The following PKHD1 variants were observed in gnomAD, a reference collection of about 807,000 sequenced individuals.
The protein encoded by PKHD1 is PKHD1 ciliary IPT domain containing fibrocystin/polyductin.
A neutral mutation model predicts 412.0 loss-of-function variants in PKHD1; 291 were observed. That is an observed-to-expected ratio of 0.71 (90% confidence interval 0.64 to 0.78). The LOEUF is 0.78. Ranked by LOEUF, PKHD1 falls within the 30% of genes least tolerant of loss-of-function variation. The pLI, the probability that PKHD1 is intolerant of heterozygous loss-of-function variation, is 0.00. For missense variants in PKHD1, 4,825 were observed against 4,950.7 expected, an observed-to-expected ratio of 0.97 and a Z score of 0.76; for synonymous variants, 1,777 against 1,821.5, an observed-to-expected ratio of 0.98 and a Z score of 0.62.
rs1266881 is a variant in PKHD1 at position 51,921,547 on chromosome 6, G to A, written c.6122-8971C>T. Among the ~76,000 whole-genome samples the A allele has an allele frequency of 4.5e-3, 690 of 152,222 alleles. 3 individuals carry two copies. Among genetic ancestry groups the A allele is most frequent in the African/African-American group, 0.015 (640 of 41,538 alleles). ...TTTCCAACTTGGTTCCCTTCTCCCCGTCACTTTCAGGTACACCAATCAGAC... is the reference window on the plus strand; with the variant it reads ...TTTCCAACTTGGTTCCCTTCTCCCCATCACTTTCAGGTACACCAATCAGAC... On this transcript the variant is annotated intron_variant, in intron 37 of 66. Coordinates refer to ENST00000371117, the MANE Select transcript of PKHD1 (RefSeq NM_138694.4).
In PKHD1 at chr6:51,722,140, T is replaced by G. The variant is rs576700635; in HGVS notation, c.10156+22245A>C. ...ATCCAAATGAAAATACCCCACACCT[T>G]GTAATATCCGAGCTCTTTACTCATG... On this transcript the variant is annotated intron_variant, in intron 60 of 66. Transcript: ENST00000371117. 80 of 1,534,662 alleles carry G rather than the reference T, an allele frequency of 5.2e-5. 1 individual carries two copies. The East Asian group carries it at 1.8e-3, about 34-fold the overall frequency.
chr6:52,045,376 T>C (rs893077827), intron 24 of PKHD1, among the ~76,000 whole-genome samples: 2 of 152,194 alleles, frequency 1.3e-5, no homozygotes, highest in Admixed American at 6.5e-5. Flanking sequence ...TGCTTTTCCA[T>C]TTTATATGTT....
chr6:51,977,437 C>T (rs1307576974), intron 35 of PKHD1, among the ~76,000 whole-genome samples: 1 of 152,228 alleles, frequency 6.6e-6, no homozygotes, highest in Non-Finnish European at 1.5e-5. Flanking sequence ...AGCTTGCCTC[C>T]ATTAGCTTCA....
intron 52 of PKHD1, among the ~76,000 whole-genome samples, chr6:51,811,384 T>C (rs943195649): frequency 6.6e-6 from 1 of 152,216 alleles, no homozygotes; most frequent in African/African-American, 2.4e-5. Context: ...TTCAATAAAT[T>C]ATACCACATT....
At chr6:51,798,114 C>T (rs1039757004) in intron 52 of PKHD1, among the ~76,000 whole-genome samples, 2 of 152,084 alleles carry the variant, frequency 1.3e-5, no homozygotes, top group Non-Finnish European at 2.9e-5. Flanking sequence ...TGCAGTGGCT[C>T]GTGCCTGTAA....
chr6:51,849,671 G>C (rs906789388), intron 49 of PKHD1, among the ~76,000 whole-genome samples: 3 of 151,836 alleles, frequency 2.0e-5, no homozygotes, highest in Non-Finnish European at 4.4e-5. Flanking sequence ...TTTCATGTTT[G>C]TTGGCCGCGT....
chr6:51,641,835 A>C (rs774699724), intron 63 of PKHD1, among the ~76,000 whole-genome samples: 7 of 152,188 alleles, frequency 4.6e-5, no homozygotes, highest in African/African-American at 7.2e-5. Flanking sequence ...GAGAAGTGGG[A>C]GTTGAACAAT....
intron 60 of PKHD1, among the ~76,000 whole-genome samples, chr6:51,735,615 T>C (rs1461775191): frequency 6.6e-6 from 1 of 152,098 alleles, no homozygotes; most frequent in Non-Finnish European, 1.5e-5. Context: ...TACTGGGTAG[T>C]ATAGCATAGT....
intron 36 of PKHD1, among the ~76,000 whole-genome samples, chr6:51,958,243 C>G (rs1791447006): frequency 6.6e-6 from 1 of 152,054 alleles, no homozygotes; most frequent in Admixed American, 6.6e-5. Context: ...AAAGAAGAGA[C>G]CCTTCAGATG....
At chr6:52,043,896 C>T (rs1450549273) in intron 25 of PKHD1, among the ~76,000 whole-genome samples, 166 bp from the exon 26 acceptor site, 1 of 152,146 alleles carries the variant, frequency 6.6e-6, no homozygotes, top group East Asian at 1.9e-4. Context: ...CAATGAATGG[C>T]TCAAAACACA....
At chr6:52,054,236 G>C in intron 19 of PKHD1, 71 bp from the exon 20 acceptor site, 1 of 1,478,520 alleles carries the variant, frequency 6.8e-7, no homozygotes, top group Non-Finnish European at 9.4e-7. Context: ...ACGTAGTGAG[G>C]AGTCCACATC....
chr6:52,013,011 C>T (rs142190822), intron 34 of PKHD1, among the ~76,000 whole-genome samples: 1 of 152,272 alleles, frequency 6.6e-6, no homozygotes, highest in Non-Finnish European at 1.5e-5. Context: ...CTGCCCATCA[C>T]CTCTGTTATG....
Position 51,718,338 on chromosome 6 carries a change from G to A in PKHD1, c.10156+26047C>T, listed in dbSNP as rs563497940. The stretch of plus-strand genomic sequence containing the variant: ...CCACATTATCCCAATGAGGGGTGGC[G>A]TTCTCCTGTGTCCTAGAAACCTTAA... On this transcript the variant is annotated intron_variant, in intron 60 of 66. Coordinates refer to ENST00000371117, the MANE Select transcript of PKHD1 (RefSeq NM_138694.4). 5.1e-4 allele frequency among the ~76,000 whole-genome samples: 78 copies of A among 152,202 alleles called. 2 individuals carry two copies. Among genetic ancestry groups the A allele is most frequent in the African/African-American group, 1.6e-3 (66 of 41,514 alleles).
intron 35 of PKHD1, among the ~76,000 whole-genome samples, chr6:51,987,342 T>C (rs369729999): frequency 6.6e-6 from 1 of 152,214 alleles, no homozygotes; most frequent in African/African-American, 2.4e-5. Flanking sequence ...AAACACTGAA[T>C]GAGCATTTAT....
At chr6:51,667,402 T>C (rs1774016229) in intron 60 of PKHD1, among the ~76,000 whole-genome samples, 1 of 151,224 alleles carries the variant, frequency 6.6e-6, no homozygotes, top group South Asian at 2.1e-4. Flanking sequence ...GTTTGTTTTT[T>C]TCTTGTAAAT....
intron 51 of PKHD1, 38 bp from the exon 52 acceptor site, chr6:51,831,027 T>G: frequency 5.2e-6 from 8 of 1,534,494 alleles, no homozygotes; most frequent in Non-Finnish European, 7.2e-6. Flanking sequence ...TCTAATCCAT[T>G]GTGATAACTT....
intron 36 of PKHD1, among the ~76,000 whole-genome samples, chr6:51,952,348 A>G (rs1790481967): frequency 6.6e-6 from 1 of 152,174 alleles, no homozygotes; most frequent in Admixed American, 6.5e-5. Flanking sequence ...ATTATAGAGA[A>G]ATTCTCAACA....
At chr6:51,903,826 G>T in intron 42 of PKHD1, 99 bp from the exon 43 acceptor site, 4 of 638,148 alleles carry the variant, frequency 6.3e-6, no homozygotes, top group Non-Finnish European at 1.1e-5. Context: ...TTCACATAAT[G>T]CATTTCATAT....
At chr6:51,628,900 T>C (rs534417222) in intron 65 of PKHD1, among the ~76,000 whole-genome samples, 13 of 152,178 alleles carry the variant, frequency 8.5e-5, no homozygotes, top group African/African-American at 2.4e-4. Context: ...GAGAACTCAA[T>C]AATGAAGCTG....
Sources: allele counts gnomAD v4.1 joint callset (sites outside exome capture counted in the v4.1 genomes callset), GRCh38; gene constraint gnomAD v4.1.1; transcripts MANE v1.5; gene names NCBI Gene and HGNC (gene_info 2026-07-23, HGNC 2026-07-21).